The following KHDRBS2 variants were observed in gnomAD, a reference collection of about 807,000 sequenced individuals.
KHDRBS2 encodes the protein KH RNA binding domain containing, signal transduction associated 2.
Under a neutral mutation model 44.3 loss-of-function variants are expected in KHDRBS2, and 26 were observed. The observed-to-expected ratio is 0.59, with a 90% CI of 0.43 to 0.81. The LOEUF (loss-of-function observed/expected upper bound fraction) is 0.81, where lower values mean the gene tolerates loss of function less well. Ranked by LOEUF, KHDRBS2 falls within the 40% of genes least tolerant of loss-of-function variation. The pLI is 0.00. For synonymous variants in KHDRBS2, 194 were observed against 151.1 expected, an observed-to-expected ratio of 1.28 and a Z score of -2.08; for missense variants, 476 against 433.1, an observed-to-expected ratio of 1.10 and a Z score of -0.88.
chr6:61,777,248 C>T (rs1440000707), intron 6 of KHDRBS2, among the ~76,000 whole-genome samples: 1 of 151,934 alleles, frequency 6.6e-6, no homozygotes, highest in East Asian at 1.9e-4. Context: ...TGTAACAAAC[C>T]TGCACGTTGT....
At chr6:61,686,979 A>T (rs1045691857) in intron 8 of KHDRBS2, among the ~76,000 whole-genome samples, 1 of 151,706 alleles carries the variant, frequency 6.6e-6, no homozygotes, top group African/African-American at 2.4e-5. Flanking sequence ...GAAGGTGCAA[A>T]TCCAAAGTGG....
chr6:61,959,772 C>A (rs914796868), intron 4 of KHDRBS2, among the ~76,000 whole-genome samples: 1 of 152,126 alleles, frequency 6.6e-6, no homozygotes, highest in Non-Finnish European at 1.5e-5. Context: ...TCTGCATTCA[C>A]TGGCAGCCAT....
intron 6 of KHDRBS2, among the ~76,000 whole-genome samples, chr6:61,797,966 C>T (rs1252351649): frequency 2.0e-5 from 3 of 151,764 alleles, no homozygotes; most frequent in African/African-American, 7.3e-5. Context: ...TTTTGTCACC[C>T]AGGTAATGAG....
intron 3 of KHDRBS2, among the ~76,000 whole-genome samples, chr6:62,010,989 G>C (rs1209462960): frequency 1.3e-5 from 2 of 151,964 alleles, no homozygotes; most frequent in African/African-American, 2.4e-5. Flanking sequence ...TTACTTTAAA[G>C]TGTTTTGTTT....
At chr6:61,651,707 A>T in the KHDRBS2 span, among the ~76,000 whole-genome samples, 1 of 152,116 alleles carries the variant, frequency 6.6e-6, no homozygotes, top group African/African-American at 2.4e-5. Flanking sequence ...AATCCTTGTC[A>T]TTAATAACCA....
intron 4 of KHDRBS2, among the ~76,000 whole-genome samples, chr6:61,955,409 C>CACATACGTATGTGTATGTATACATAT (rs1562519256): frequency 0.11 from 582 of 5,178 alleles, 237 homozygotes; most frequent in African/African-American, 0.55. Flanking sequence ...TATACATATA[C>CACATACGTATGTGTATGTATACATAT]GTGTATATAT....
intron 2 of KHDRBS2, among the ~76,000 whole-genome samples, chr6:62,098,556 T>C (rs1407112730): frequency 2.0e-5 from 3 of 152,166 alleles, no homozygotes; most frequent in Non-Finnish European, 4.4e-5. Flanking sequence ...TTCTTTTCTC[T>C]TGTGGCTTTC....
chr6:61,722,036 T>A (rs1287823173), intron 7 of KHDRBS2, among the ~76,000 whole-genome samples: 1 of 151,644 alleles, frequency 6.6e-6, no homozygotes, highest in Non-Finnish European at 1.5e-5. Flanking sequence ...ATTGAGATAA[T>A]CATGTGGTTT....
intron 2 of KHDRBS2, among the ~76,000 whole-genome samples, chr6:62,118,030 C>T (rs778456212): frequency 2.6e-5 from 4 of 152,148 alleles, no homozygotes; most frequent in Non-Finnish European, 5.9e-5. Context: ...CCCGCCTTGG[C>T]CTCCCGAAGT....
chr6:61,853,453 TA>T (rs940593685), intron 6 of KHDRBS2, among the ~76,000 whole-genome samples: 2 of 151,834 alleles, frequency 1.3e-5, no homozygotes, highest in Non-Finnish European at 2.9e-5. Flanking sequence ...AACCTAGGCA[TA>T]AAAAAAAGAC....
chr6:62,104,702 C>T (rs1359420057), intron 2 of KHDRBS2, among the ~76,000 whole-genome samples: 2 of 151,266 alleles, frequency 1.3e-5, no homozygotes, highest in Non-Finnish European at 2.9e-5. Context: ...AGAAAGTTCT[C>T]AAATCAATGA....
chr6:61,612,292 A>G, the KHDRBS2 span, among the ~76,000 whole-genome samples: 1 of 152,204 alleles, frequency 6.6e-6, no homozygotes, highest in East Asian at 1.9e-4. Flanking sequence ...TGAACATGGA[A>G]AGCTCAGATA....
intron 7 of KHDRBS2, among the ~76,000 whole-genome samples, chr6:61,698,478 C>G (rs1202515386): frequency 6.6e-6 from 1 of 152,118 alleles, no homozygotes; most frequent in Non-Finnish European, 1.5e-5. Flanking sequence ...TTATTACTAT[C>G]TCTCATTTAA....
the KHDRBS2 span, among the ~76,000 whole-genome samples, chr6:61,548,362 C>G: frequency 6.6e-6 from 1 of 152,056 alleles, no homozygotes; most frequent in Non-Finnish European, 1.5e-5. Flanking sequence ...TTACCCTAAA[C>G]CAGTGCTCAG....
At chr6:61,607,402 A>G in the KHDRBS2 span, among the ~76,000 whole-genome samples, 3 of 150,372 alleles carry the variant, frequency 2.0e-5, no homozygotes, top group African/African-American at 7.4e-5. Flanking sequence ...CAAGAGAAAA[A>G]ATTAGTTGAT....
chr6:61,956,470 A>T (rs1282799600), intron 4 of KHDRBS2, among the ~76,000 whole-genome samples: 2 of 152,074 alleles, frequency 1.3e-5, no homozygotes, highest in Non-Finnish European at 2.9e-5. Flanking sequence ...CATCTCAAAC[A>T]CCTTCAGCCA....
chr6:61,960,648 C>T (rs190842825), intron 4 of KHDRBS2, among the ~76,000 whole-genome samples: 137 of 152,180 alleles, frequency 9.0e-4, no homozygotes, highest in African/African-American at 3.2e-3. Context: ...AGAATGCCTC[C>T]ATTAACAAAA....
At chr6:61,930,567 A>T (rs1562462379) in intron 4 of KHDRBS2, among the ~76,000 whole-genome samples, 9 of 130,272 alleles carry the variant, frequency 6.9e-5, no homozygotes, top group African/African-American at 2.5e-4. Context: ...AAAAAAAAAA[A>T]GGCTAGTCTA....
At chr6:61,969,854 C>A (rs575476983) in intron 4 of KHDRBS2, among the ~76,000 whole-genome samples, 1 of 150,858 alleles carries the variant, frequency 6.6e-6, no homozygotes, top group Non-Finnish European at 1.5e-5. Context: ...AGTTGGAGGC[C>A]GTAGAATTCT....
Sources: gnomAD v4.1 joint callset for allele counts (sites outside exome capture counted in the v4.1 genomes callset) on GRCh38, gnomAD v4.1.1 for gene constraint, MANE v1.5 for transcripts, NCBI Gene and HGNC (gene_info 2026-07-23, HGNC 2026-07-21) for gene names.